The following LZTS1 variants were observed in gnomAD, a reference collection of about 807,000 sequenced individuals.
The protein encoded by LZTS1 is leucine zipper putative tumor suppressor 1.
Under a neutral mutation model 45.8 loss-of-function variants are expected in LZTS1, and 31 were observed. The ratio of observed to expected loss-of-function variants is 0.68; its 90% confidence interval spans 0.51 to 0.91. The LOEUF (loss-of-function observed/expected upper bound fraction) is 0.91, where lower values mean the gene tolerates loss of function less well. Ranked by LOEUF, LZTS1 falls within the 40% of genes least tolerant of loss-of-function variation. The pLI is 0.00. For synonymous variants in LZTS1, 359 were observed against 357.3 expected (o/e 1.00, Z -0.05); for missense variants, 821 against 788.9 (o/e 1.04, Z -0.49).
At chr8:20,261,019 C>T (rs1446891789) in intron 1 of LZTS1, among the ~76,000 whole-genome samples, 1 of 152,196 alleles carries the variant, frequency 6.6e-6, no homozygotes, top group Non-Finnish European at 1.5e-5. Context: ...AATCCATCTT[C>T]TCACCTGCCC....
chr8:20,298,971 T>A lies in LZTS1; in HGVS notation c.-135+4769A>T, dbSNP rs555140760. On this transcript the variant is annotated intron_variant, in intron 1 of 3. Transcript: ENST00000381569. Reference sequence around the variant, plus strand: ...AATGGCAAAAGGAGCTAACTAGCCGTAAGCTCACCAGCTATGCTCGACTGT... The same window carrying A: ...AATGGCAAAAGGAGCTAACTAGCCGAAAGCTCACCAGCTATGCTCGACTGT... Among the ~76,000 whole-genome samples, 22 of 152,336 alleles carry A rather than the reference T, an allele frequency of 1.4e-4. 1 individual carries two copies. The highest frequency in any genetic ancestry group is 1.2e-3 in the Admixed American group (18 of 15,300).
intron 1 of LZTS1, among the ~76,000 whole-genome samples, chr8:20,261,298 G>A (rs1800223478): frequency 6.6e-6 from 1 of 152,086 alleles, no homozygotes; most frequent in Non-Finnish European, 1.5e-5. Flanking sequence ...GACCTTAAGA[G>A]AAGAGAGAAA....
At chr8:20,275,086 G>A (rs972674569) in intron 1 of LZTS1, among the ~76,000 whole-genome samples, 11 of 152,050 alleles carry the variant, frequency 7.2e-5, no homozygotes, top group African/African-American at 2.4e-4. Flanking sequence ...TGGAAGAGAT[G>A]GATAACTCAT....
At chr8:20,291,877 G>A (rs1800906364) in intron 1 of LZTS1, among the ~76,000 whole-genome samples, 1 of 152,132 alleles carries the variant, frequency 6.6e-6, no homozygotes, top group African/African-American at 2.4e-5. Context: ...CCAAACTTGG[G>A]CTCAGGATCA....
At chr8:20,250,507 G>T in intron 3 of LZTS1, 144 bp from the exon 4 acceptor site, 1 of 739,506 alleles carries the variant, frequency 1.4e-6, no homozygotes, top group Non-Finnish European at 2.1e-6. Context: ...CAATCTGAAA[G>T]TAAGCTGAAC....
intron 2 of LZTS1, among the ~76,000 whole-genome samples, chr8:20,254,440 C>G (rs965983758): frequency 6.6e-6 from 1 of 152,188 alleles, no homozygotes; most frequent in African/African-American, 2.4e-5. Flanking sequence ...GGGAGAGAAG[C>G]GGTTAACTCC....
At chr8:20,253,755 G>A (rs1019895966) in intron 2 of LZTS1, among the ~76,000 whole-genome samples, 170 bp from the exon 3 acceptor site, 5 of 152,242 alleles carry the variant, frequency 3.3e-5, no homozygotes, top group Non-Finnish European at 5.9e-5. Flanking sequence ...TGAAGCAGCT[G>A]AATGTCATCT....
intron 1 of LZTS1, among the ~76,000 whole-genome samples, chr8:20,278,201 T>A (rs1030851603): frequency 1.3e-5 from 2 of 152,136 alleles, no homozygotes; most frequent in African/African-American, 4.8e-5. Context: ...CCTGATAAGA[T>A]CTCAGCAGTT....
chr8:20,254,758 A>C, intron 2 of LZTS1, 79 bp downstream of exon 2: 2 of 1,202,578 alleles, frequency 1.7e-6, no homozygotes, highest in Non-Finnish European at 2.3e-6. Context: ...ACTCCCCCTG[A>C]ACCCCCAGGC....
At chr8:20,268,886 G>A (rs1211404441) in intron 1 of LZTS1, among the ~76,000 whole-genome samples, 4 of 152,050 alleles carry the variant, frequency 2.6e-5, no homozygotes, top group Non-Finnish European at 5.9e-5. Flanking sequence ...CCATCGGGTC[G>A]AACAATCGGA....
intron 1 of LZTS1, among the ~76,000 whole-genome samples, chr8:20,261,655 C>T (rs1274420407): frequency 6.6e-6 from 1 of 152,236 alleles, no homozygotes; most frequent in Non-Finnish European, 1.5e-5. Context: ...CATGGAGTTG[C>T]AAAGTGTCTT....
chr8:20,254,792 C>G (rs1309544073), intron 2 of LZTS1, 45 bp downstream of exon 2: 1 of 1,513,690 alleles, frequency 6.6e-7, no homozygotes. Flanking sequence ...TTTGCTTTCT[C>G]CTGCGTTTCC....
In LZTS1 at chr8:20,249,795, G is replaced by C; in HGVS notation, c.1718C>G (p.Ala573Gly). 4 of 1,614,000 alleles carry C rather than the reference G, an allele frequency of 2.5e-6. No individual in the cohort carries two copies. Among genetic ancestry groups the C allele is most frequent in the Non-Finnish European group, 2.5e-6 (3 of 1,180,034 alleles). The change falls in exon 4 of 4, where the codon GCC becomes GGC. Residue 573 changes from alanine (A) to glycine (G), a missense_variant. Transcript: ENST00000381569. ...ALQQLARGDSAGEPLEVDLEG... is the reference protein window; with the variant it reads ...ALQQLARGDSGGEPLEVDLEG... ...CAGGTCAACCTCCAAGGGCTCCCCGGCGCTGTCCCCACGTGCCAGCTGCTG... is the reference window on the plus strand; with the variant it reads ...CAGGTCAACCTCCAAGGGCTCCCCGCCGCTGTCCCCACGTGCCAGCTGCTG...
chr8:20,266,985 G>T (rs1441747436), intron 1 of LZTS1, among the ~76,000 whole-genome samples: 3 of 151,830 alleles, frequency 2.0e-5, no homozygotes, highest in Non-Finnish European at 4.4e-5. Flanking sequence ...GCGCGCACCT[G>T]TAGTCCCAGC....
intron 1 of LZTS1, among the ~76,000 whole-genome samples, chr8:20,276,245 ATTTT>A (rs67555163): frequency 6.2e-4 from 91 of 145,770 alleles, no homozygotes; most frequent in African/African-American, 2.0e-3. Context: ...CTCCAGAGTG[ATTTT>A]TTTTTTTTTT....
chr8:20,274,881 G>A (rs754152014), intron 1 of LZTS1, among the ~76,000 whole-genome samples: 4 of 152,094 alleles, frequency 2.6e-5, no homozygotes, highest in Admixed American at 2.0e-4. Context: ...GTGACCCCTC[G>A]ACCTAACCCT....
At chr8:20,294,490 G>A (rs1027930548) in intron 1 of LZTS1, among the ~76,000 whole-genome samples, 4 of 152,200 alleles carry the variant, frequency 2.6e-5, no homozygotes, top group African/African-American at 7.2e-5. Context: ...TACAGTGCAG[G>A]TGGAGGCTGG....
At chr8:20,251,098 A>AATACATATATATATATAT (rs1367635822) in intron 3 of LZTS1, among the ~76,000 whole-genome samples, 6 of 41,402 alleles carry the variant, frequency 1.4e-4, no homozygotes, top group African/African-American at 4.0e-4. Flanking sequence ...CCTGAGGGCT[A>AATACATATATATATATAT]ATATATATAT....
At chr8:20,287,941 T>C (rs975249753) in intron 1 of LZTS1, among the ~76,000 whole-genome samples, 2 of 136,408 alleles carry the variant, frequency 1.5e-5, no homozygotes, top group Non-Finnish European at 3.1e-5. Context: ...CTTCTTCCCC[T>C]TCCCTAGCCC....
Sources: allele counts gnomAD v4.1 joint callset (sites outside exome capture counted in the v4.1 genomes callset), GRCh38; gene constraint gnomAD v4.1.1; transcripts MANE v1.5; gene names NCBI Gene and HGNC (gene_info 2026-07-23, HGNC 2026-07-21).